CYB5R3: variants seen among roughly 807,000 people sequenced by gnomAD.
CYB5R3 encodes the protein NADH-cytochrome b5 reductase 3.
Under a neutral mutation model 36.5 loss-of-function variants are expected in CYB5R3, and 28 were observed. That is an observed-to-expected ratio of 0.77 (90% CI 0.57 to 1.05). The LOEUF (loss-of-function observed/expected upper bound fraction) is 1.05. Among genes scored for constraint, CYB5R3 ranks in the 50% least tolerant of loss-of-function variants. The pLI is 0.00. For synonymous variants in CYB5R3, 181 were observed against 159.8 expected (o/e 1.13, Z -1.00); for missense variants, 474 against 408.9 (o/e 1.16, Z -1.37).
At chr22:42,638,728 T>TATAAAAAAAAAAAAAA (rs1929048927) in intron 1 of CYB5R3, among the ~76,000 whole-genome samples, 1 of 47,488 alleles carries the variant, frequency 2.1e-5, no homozygotes, top group African/African-American at 1.1e-4. Flanking sequence ...CAAGACTCCA[T>TATAAAAAAAAAAAAAA]AAAAAAAAAA....
chr22:42,640,163 G>T (rs375276982), intron 1 of CYB5R3: 2 of 1,613,044 alleles, frequency 1.2e-6, no homozygotes, highest in Admixed American at 3.3e-5. Flanking sequence ...GGAGGAACCA[G>T]CTCAACCGTG....
intron 7 of CYB5R3, among the ~76,000 whole-genome samples, chr22:42,624,793 C>A (rs1928180115): frequency 6.6e-6 from 1 of 152,146 alleles, no homozygotes; most frequent in Admixed American, 6.5e-5. Flanking sequence ...AGCTCCCAGG[C>A]TGGGCAAGGG....
At chr22:42,624,118 T>C (rs909061996) in intron 7 of CYB5R3, among the ~76,000 whole-genome samples, 3 of 152,070 alleles carry the variant, frequency 2.0e-5, no homozygotes, top group African/African-American at 7.2e-5. Flanking sequence ...AGAAACTCAG[T>C]GTGTCAACTG....
intron 1 of CYB5R3, among the ~76,000 whole-genome samples, chr22:42,648,516 T>G (rs1929628436): frequency 6.6e-6 from 1 of 151,952 alleles, no homozygotes; most frequent in Middle Eastern, 3.4e-3. Context: ...AGCAGCAGAG[T>G]GGACTTTGAA....
At chr22:42,629,083 C>CA (rs1384804680) in intron 4 of CYB5R3, among the ~76,000 whole-genome samples, 1 of 152,142 alleles carries the variant, frequency 6.6e-6, no homozygotes, top group Non-Finnish European at 1.5e-5. Flanking sequence ...GAGGCCTGGT[C>CA]ACCTGTGAGT....
intron 4 of CYB5R3, among the ~76,000 whole-genome samples, chr22:42,628,781 G>A (rs543286914): frequency 2.1e-4 from 32 of 152,190 alleles, no homozygotes; most frequent in Admixed American, 7.2e-4. Flanking sequence ...GCCTCAATCC[G>A]ACACCTACAA....
chr22:42,639,997 G>C, intron 1 of CYB5R3: 1 of 1,612,576 alleles, frequency 6.2e-7, no homozygotes, highest in South Asian at 1.1e-5. Flanking sequence ...ACGCTTGCCT[G>C]TGATCTCTCT....
In CYB5R3 at chr22:42,619,616, G is replaced by GGGCT. The variant is rs1569314402; in HGVS notation, c.*153_*156dup. 1 of 690,744 alleles carries GGGCT rather than the reference G, an allele frequency of 1.4e-6. No individual in the cohort carries two copies. The highest frequency in any genetic ancestry group is 2.4e-6 in the Non-Finnish European group (1 of 411,828). The allele number at this position is 690,744 out of a possible 1,614,324, so 42.8% of individuals were successfully genotyped here. On this transcript the variant is annotated 3_prime_UTR_variant, in exon 9 of 9. Transcript: ENST00000352397. ...CTGGGACACAGCCCTGCTCCCGAAG[G>GGGCT]GGCTCCAGGGGAACTGCTCAGCCAG...
At position 42,619,662 on chromosome 22, in the gene CYB5R3, C is replaced by T. The variant is rs1413320972; in HGVS notation, c.*111G>A. The T allele has an allele frequency of 6.6e-6, 7 of 1,053,776 alleles. No individual in the cohort carries two copies. The highest frequency in any genetic ancestry group is 5.2e-5 in the East Asian group (2 of 38,316). 65.3% of individuals were successfully genotyped at this position (1,053,776 alleles called of 1,614,324 possible). On this transcript the variant is annotated 3_prime_UTR_variant, in exon 9 of 9. Transcript: ENST00000352397. ...GCCAGGTGATTCACCAGGGCACGGG[C>T]AGGCCAGGCTGAACCCGGGGCCCCA...
intron 1 of CYB5R3, chr22:42,646,967 T>C (rs1929566936): frequency 2.0e-6 from 2 of 985,240 alleles, no homozygotes; most frequent in Admixed American, 6.2e-5. Flanking sequence ...CAGACCAAGC[T>C]CCAATGTTTT....
chr22:42,628,408 G>A, intron 4 of CYB5R3, 127 bp from the exon 5 acceptor site: 1 of 1,196,158 alleles, frequency 8.4e-7, no homozygotes. Context: ...TTCTCCCGTG[G>A]AGCCCCATCC....
rs8190416 is a variant in CYB5R3 at position 42,636,482 on chromosome 22, G to C, written c.153+233C>G. Among the ~76,000 whole-genome samples, 23,809 of 152,194 alleles carry C rather than the reference G, an allele frequency of 0.16. 2,032 individuals are homozygous for C. The highest frequency in any genetic ancestry group is 0.21 in the Middle Eastern group (63 of 294). On this transcript the variant is annotated intron_variant, in intron 2 of 8. Coordinates refer to ENST00000352397, the MANE Select transcript of CYB5R3 (RefSeq NM_000398.7). ...GAGGGGTTCCTTCCATTCTGACCTT[G>C]CATGAGGCAGTGAGTGTGGTTCAGA...
chr22:42,631,448 G>A lies in CYB5R3; in HGVS notation c.156C>T (p.Ile52=). The change falls in exon 3 of 9, where the codon ATC becomes ATT. Residue 52 remains isoleucine (I), a splice_region_variant and synonymous_variant. Coordinates refer to ENST00000352397, the MANE Select transcript of CYB5R3 (RefSeq NM_000398.7). ...GGAAGCGCCGGGTGTCATGGCTGAT[G>A]ATCTGGAGAGAGGCCCAAAGCTGCT... ...KYPLRLIDRE[I]ISHDTRRFRF... is the part of the protein sequence containing the mutation. 1 of 1,551,618 alleles carries A rather than the reference G, an allele frequency of 6.4e-7. No individual in the cohort carries two copies. Among genetic ancestry groups the A allele is most frequent in the Non-Finnish European group, 8.7e-7 (1 of 1,146,966 alleles).
intron 8 of CYB5R3, among the ~76,000 whole-genome samples, chr22:42,621,204 G>GTC (rs1488191313): frequency 1.3e-5 from 2 of 152,084 alleles, no homozygotes; most frequent in East Asian, 3.9e-4. Context: ...GTGTGTGTGT[G>GTC]TGTGTGTGTG....
chr22:42,620,587 A>G (rs542992834), intron 8 of CYB5R3, among the ~76,000 whole-genome samples: 1 of 152,164 alleles, frequency 6.6e-6, no homozygotes, highest in Non-Finnish European at 1.5e-5. Flanking sequence ...CACAGCCCTC[A>G]ACACCAAGAG....
At chr22:42,621,182 T>TTTTG (rs1219788150) in intron 8 of CYB5R3, among the ~76,000 whole-genome samples, 2 of 104,972 alleles carry the variant, frequency 1.9e-5, no homozygotes, top group African/African-American at 9.0e-5. Context: ...GATTTCTTTT[T>TTTTG]AGTGTGTGTG....
intron 1 of CYB5R3, chr22:42,639,225 G>A: frequency 3.6e-6 from 1 of 275,984 alleles, no homozygotes; most frequent in Non-Finnish European, 7.2e-6. Flanking sequence ...TCAGGAAGCT[G>A]GAGCAGGAGA....
Position 42,630,981 on chromosome 22 carries a change from G to A in CYB5R3, c.234C>T (p.His78=). ...CATCAATTCGAGCCGAGAGGTAGAT[G>A]TGCTGGCCTGCAGGACAGAACGGGG... ...QHILGLPVGQ[H]IYLSARIDGN... is the part of the protein sequence containing the mutation. Residue 78 remains histidine, a synonymous_variant, in exon 4 of 9, where the codon CAC becomes CAT. Transcript: ENST00000352397. 3 of 1,613,748 alleles carry A rather than the reference G, an allele frequency of 1.9e-6. No individual in the cohort carries two copies. The highest frequency in any genetic ancestry group is 2.5e-6 in the Non-Finnish European group (3 of 1,179,842).
At chr22:42,632,292 G>C (rs117911984) in intron 2 of CYB5R3, 1 of 152,326 alleles carries the variant, frequency 6.6e-6, no homozygotes, top group African/African-American at 2.4e-5. Flanking sequence ...GAAGCCATGC[G>C]GAAGGTCGGC....
Sources: gnomAD v4.1 joint callset for allele counts (sites outside exome capture counted in the v4.1 genomes callset) on GRCh38, gnomAD v4.1.1 for gene constraint, MANE v1.5 for transcripts, NCBI Gene and HGNC (gene_info 2026-07-23, HGNC 2026-07-21) for gene names.